Variants in SMAD9 observed in about 807,000 individuals in gnomAD.
The protein encoded by SMAD9 is SMAD family member 9, also known as MAD homolog 9.
Under a neutral mutation model 46.1 loss-of-function variants are expected in SMAD9, and 36 were observed. The observed-to-expected ratio is 0.78, with a 90% CI of 0.60 to 1.03. The LOEUF (loss-of-function observed/expected upper bound fraction) is 1.03, where lower values mean the gene tolerates loss of function less well. Among genes scored for constraint, SMAD9 ranks in the 50% least tolerant of loss-of-function variants. SMAD9 has a pLI of 0.00. For synonymous variants in SMAD9, 245 were observed against 237.1 expected (o/e 1.03, Z -0.31); for missense variants, 572 against 599.8 (o/e 0.95, Z 0.48).
chr13:36,910,719 C>A (rs1159678302), intron 1 of SMAD9, among the ~76,000 whole-genome samples: 1 of 152,152 alleles, frequency 6.6e-6, no homozygotes, highest in East Asian at 1.9e-4. Flanking sequence ...TTCCTGGAAA[C>A]CTTCCCTGGA....
At chr13:36,886,024 G>A (rs1382626834) in intron 1 of SMAD9, among the ~76,000 whole-genome samples, 1 of 152,158 alleles carries the variant, frequency 6.6e-6, no homozygotes, top group Non-Finnish European at 1.5e-5. Context: ...ACGTAGAGGG[G>A]AGAGAGGCAG....
rs940640485 is a variant in SMAD9, at chr13:36,847,233, G to A, written c.*1443C>T. 2.0e-5 allele frequency: 3 copies of A among 152,184 alleles called. No individual in the cohort carries two copies. Among genetic ancestry groups the A allele is most frequent in the African/African-American group, 7.2e-5 (3 of 41,446 alleles). The allele number at this position is 152,184 out of a possible 1,614,324, so 9.4% of individuals were successfully genotyped here. On this transcript the variant is annotated 3_prime_UTR_variant, in exon 7 of 7. Coordinates refer to ENST00000379826, the MANE Select transcript of SMAD9 (RefSeq NM_001127217.3). Reference sequence around the variant, plus strand: ...ATGTGCACTAATGCTAGAAAGAGTTGAGATAAAATGTATAAATGAAGAAAC... The same window carrying A: ...ATGTGCACTAATGCTAGAAAGAGTTAAGATAAAATGTATAAATGAAGAAAC...
At chr13:36,890,537 T>A (rs549713064) in intron 1 of SMAD9, among the ~76,000 whole-genome samples, 12 of 152,330 alleles carry the variant, frequency 7.9e-5, no homozygotes, top group Non-Finnish European at 4.4e-5. Flanking sequence ...ATAAATTGTA[T>A]TTTTCTAAAT....
At chr13:36,911,615 T>TGGGGGGGGGGGG (rs11322701) in intron 1 of SMAD9, among the ~76,000 whole-genome samples, 1 of 84,332 alleles carries the variant, frequency 1.2e-5, no homozygotes. Flanking sequence ...AAAGGCTGCC[T>TGGGGGGGGGGGG]GGGGGGGGGG....
At chr13:36,909,626 T>C (rs549210586) in intron 1 of SMAD9, among the ~76,000 whole-genome samples, 2 of 152,276 alleles carry the variant, frequency 1.3e-5, no homozygotes, top group Admixed American at 1.3e-4. Context: ...CAACATGATA[T>C]AATGAATAAA....
intron 1 of SMAD9, among the ~76,000 whole-genome samples, chr13:36,903,299 G>A (rs1448473207): frequency 6.6e-6 from 1 of 151,822 alleles, no homozygotes; most frequent in African/African-American, 2.4e-5. Flanking sequence ...GCAAATTTTT[G>A]TATTTTTTGT....
At chr13:36,888,381 G>A (rs186871156) in intron 1 of SMAD9, among the ~76,000 whole-genome samples, 13 of 152,182 alleles carry the variant, frequency 8.5e-5, no homozygotes, top group East Asian at 1.9e-4. Context: ...CACCTTCTGC[G>A]ATGATTGTAA....
At chr13:36,917,083 C>T (rs1004408765) in intron 1 of SMAD9, among the ~76,000 whole-genome samples, 2 of 152,040 alleles carry the variant, frequency 1.3e-5, no homozygotes, top group Admixed American at 6.6e-5. Flanking sequence ...CAAGTGCGGC[C>T]GAGGTGTCCG....
chr13:36,903,106 CTTTCT>C (rs1383001242), intron 1 of SMAD9, among the ~76,000 whole-genome samples: 3 of 117,460 alleles, frequency 2.6e-5, no homozygotes, highest in Non-Finnish European at 3.9e-5. Context: ...CCGAGGGGCT[CTTTCT>C]TTTTTTTTCT....
intron 2 of SMAD9, among the ~76,000 whole-genome samples, chr13:36,879,001 A>G (rs988738216): frequency 1.3e-5 from 2 of 152,220 alleles, no homozygotes; most frequent in African/African-American, 2.4e-5. Context: ...CACACTGGCT[A>G]TAACAGGGTT....
At chr13:36,877,281 G>T (rs1292142864) in intron 2 of SMAD9, among the ~76,000 whole-genome samples, 1 of 152,190 alleles carries the variant, frequency 6.6e-6, no homozygotes, top group Non-Finnish European at 1.5e-5. Flanking sequence ...AGAATCGCTT[G>T]AACTGGGGAG....
chr13:36,862,766 G>A (rs1364547280), intron 5 of SMAD9, among the ~76,000 whole-genome samples: 2 of 152,108 alleles, frequency 1.3e-5, no homozygotes, highest in Non-Finnish European at 2.9e-5. Context: ...CTTCTCTTGG[G>A]GTCTGAATCG....
At chr13:36,857,286 C>T (rs1704487330) in intron 5 of SMAD9, among the ~76,000 whole-genome samples, 1 of 152,264 alleles carries the variant, frequency 6.6e-6, no homozygotes, top group African/African-American at 2.4e-5. Context: ...GAAGGAAAAG[C>T]TAGTGTTACA....
rs2058161710 is a variant in SMAD9 at position 36,859,767 on chromosome 13, C to A, written c.1003+5770G>T. Reference sequence around the variant, plus strand: ...CCGGAGGTCGGGAGTTTGAGACCAGCCTGAGCAATGTGGAGAAACCCCATC... The same window carrying A: ...CCGGAGGTCGGGAGTTTGAGACCAGACTGAGCAATGTGGAGAAACCCCATC... On this transcript the variant is annotated intron_variant, in intron 5 of 6. Transcript: ENST00000379826. 2.0e-5 allele frequency among the ~76,000 whole-genome samples: 3 copies of A among 152,060 alleles called. No individual in the cohort carries two copies. The South Asian group carries it at 6.2e-4, about 32-fold the overall frequency.
intron 1 of SMAD9, among the ~76,000 whole-genome samples, chr13:36,898,418 C>G (rs2058547133): frequency 6.6e-6 from 1 of 151,866 alleles, no homozygotes; most frequent in African/African-American, 2.4e-5. Flanking sequence ...TTTTATGAAG[C>G]TAGCATGACC....
intron 5 of SMAD9, among the ~76,000 whole-genome samples, chr13:36,858,985 A>G (rs2058153632): frequency 6.6e-6 from 1 of 152,190 alleles, no homozygotes; most frequent in African/African-American, 2.4e-5. Context: ...TGCTGGGATT[A>G]CAGGTGTGAG....
intron 1 of SMAD9, among the ~76,000 whole-genome samples, chr13:36,915,561 GAGA>G (rs770627886): frequency 8.5e-5 from 13 of 152,158 alleles, no homozygotes; most frequent in Admixed American, 3.9e-4. Flanking sequence ...GAGAGAGAGA[GAGA>G]AGATTTTGAT....
chr13:36,899,065 G>C (rs141112651), intron 1 of SMAD9, among the ~76,000 whole-genome samples: 1 of 151,992 alleles, frequency 6.6e-6, no homozygotes, highest in Non-Finnish European at 1.5e-5. Flanking sequence ...AAACTAATTA[G>C]TGAATTTAGC....
chr13:36,868,179 T>A (rs373360696), intron 3 of SMAD9, among the ~76,000 whole-genome samples: 1 of 152,216 alleles, frequency 6.6e-6, no homozygotes, highest in African/African-American at 2.4e-5. Context: ...TACACAAAAA[T>A]TGCCAGTGGA....
Sources: allele counts gnomAD v4.1 joint callset (sites outside exome capture counted in the v4.1 genomes callset), GRCh38; gene constraint gnomAD v4.1.1; transcripts MANE v1.5; gene names NCBI Gene and HGNC (gene_info 2026-07-23, HGNC 2026-07-21).